LRRTM4: variants seen among roughly 807,000 people sequenced by gnomAD.
LRRTM4 encodes leucine rich repeat transmembrane neuronal 4, also known as leucine-rich repeat transmembrane neuronal protein 4.
LRRTM4 carries 25 observed loss-of-function variants against 47.6 expected under a neutral mutation model. The ratio of observed to expected loss-of-function variants is 0.53; its 90% CI spans 0.38 to 0.73. The LOEUF (loss-of-function observed/expected upper bound fraction) is 0.73. LRRTM4 is among the 30% of genes least tolerant of loss of function. LRRTM4 has a pLI of 0.00. For missense variants in LRRTM4, 638 were observed against 713.4 expected (o/e 0.89, Z 1.20); for synonymous variants, 311 against 269.5 (o/e 1.15, Z -1.51).
chr2:77,229,806 C>A (rs1674914807), intron 3 of LRRTM4, among the ~76,000 whole-genome samples: 1 of 152,080 alleles, frequency 6.6e-6, no homozygotes, highest in Admixed American at 6.6e-5. Flanking sequence ...TTTTTAAATA[C>A]CTGAATATCT....
chr2:77,113,693 G>T (rs1413720238), intron 3 of LRRTM4, among the ~76,000 whole-genome samples: 2 of 152,104 alleles, frequency 1.3e-5, no homozygotes, highest in Admixed American at 1.3e-4. Flanking sequence ...TGGTATCCAT[G>T]TGTGAAGAAG....
At chr2:77,332,712 A>C (rs1328714951) in intron 3 of LRRTM4, among the ~76,000 whole-genome samples, 1 of 152,190 alleles carries the variant, frequency 6.6e-6, no homozygotes, top group Non-Finnish European at 1.5e-5. Context: ...TTAACACTTA[A>C]TTGGGTTTAT....
chr2:76,807,467 TATAC>T (rs1163693598), intron 3 of LRRTM4, among the ~76,000 whole-genome samples: 2,345 of 89,322 alleles, frequency 0.026, 114 homozygotes, highest in African/African-American at 0.12. Flanking sequence ...TACATATATA[TATAC>T]ATATATATAT....
At chr2:77,172,709 C>CA (rs1558617911) in intron 3 of LRRTM4, among the ~76,000 whole-genome samples, 1 of 151,896 alleles carries the variant, frequency 6.6e-6, no homozygotes, top group Non-Finnish European at 1.5e-5. Context: ...TACTCTCTCC[C>CA]AAAAAAACGC....
At chr2:76,794,730 C>T (rs1305745940) in intron 3 of LRRTM4, among the ~76,000 whole-genome samples, 2 of 151,756 alleles carry the variant, frequency 1.3e-5, no homozygotes, top group South Asian at 2.1e-4. Flanking sequence ...TAATTCTTTG[C>T]TATGGTGTAC....
intron 3 of LRRTM4, among the ~76,000 whole-genome samples, chr2:76,859,337 C>T (rs923190990): frequency 6.6e-6 from 1 of 151,962 alleles, no homozygotes; most frequent in African/African-American, 2.4e-5. Flanking sequence ...ACCACCTACT[C>T]ATAAGTTTGT....
intron 3 of LRRTM4, among the ~76,000 whole-genome samples, chr2:77,290,085 A>T (rs1250525760): frequency 6.6e-6 from 1 of 151,986 alleles, no homozygotes; most frequent in Admixed American, 6.6e-5. Flanking sequence ...AATCAATGAA[A>T]CATATAAAAT....
intron 3 of LRRTM4, among the ~76,000 whole-genome samples, chr2:76,875,860 A>T (rs1573242837): frequency 6.6e-6 from 1 of 152,280 alleles, no homozygotes; most frequent in Non-Finnish European, 1.5e-5. Context: ...ACTGGGGACA[A>T]CTGCCACAGG....
chr2:76,805,623 TTA>T (rs1675928082), intron 3 of LRRTM4, among the ~76,000 whole-genome samples: 1 of 152,184 alleles, frequency 6.6e-6, no homozygotes, highest in Non-Finnish European at 1.5e-5. Context: ...ATTAATGTTT[TTA>T]GGGCAATTCA....
intron 3 of LRRTM4, among the ~76,000 whole-genome samples, chr2:77,185,822 C>A (rs1231004464): frequency 6.6e-6 from 1 of 152,144 alleles, no homozygotes; most frequent in African/African-American, 2.4e-5. Flanking sequence ...GTTTGAATTA[C>A]TGTTCAGTCA....
At chr2:77,517,604 C>A in intron 3 of LRRTM4, 7 of 983,226 alleles carry the variant, frequency 7.1e-6, no homozygotes, top group Non-Finnish European at 8.4e-6. Context: ...GGATCTATAT[C>A]CCAGTAATTA....
intron 3 of LRRTM4, among the ~76,000 whole-genome samples, chr2:76,838,508 G>C (rs185161501): frequency 1.3e-5 from 2 of 152,030 alleles, no homozygotes; most frequent in African/African-American, 4.8e-5. Context: ...AACATATTCT[G>C]ATTTTGTTAT....
chr2:77,247,891 A>C (rs1488802061), intron 3 of LRRTM4, among the ~76,000 whole-genome samples: 1 of 151,228 alleles, frequency 6.6e-6, no homozygotes, highest in Non-Finnish European at 1.5e-5. Flanking sequence ...AAATTATGAC[A>C]TTGTTTATAT....
At chr2:77,014,151 A>C (rs1446698) in intron 3 of LRRTM4, among the ~76,000 whole-genome samples, 1 of 151,754 alleles carries the variant, frequency 6.6e-6, no homozygotes, top group African/African-American at 2.4e-5. Context: ...TGGATTAGCA[A>C]GGCTGAGTAG....
chr2:77,145,257 TATATATATACACATATAC>T (rs1167854421), intron 3 of LRRTM4, among the ~76,000 whole-genome samples: 2 of 151,048 alleles, frequency 1.3e-5, no homozygotes, highest in Non-Finnish European at 2.9e-5. Flanking sequence ...TATATGTGTA[TATATATATACACATATAC>T]ATAGATGAAA....
At chr2:76,843,449 T>G (rs1671746136) in intron 3 of LRRTM4, among the ~76,000 whole-genome samples, 2 of 152,214 alleles carry the variant, frequency 1.3e-5, no homozygotes, top group South Asian at 4.1e-4. Flanking sequence ...CTTTTCAAGC[T>G]CATTTAACAG....
At chr2:77,487,057 G>A (rs948134134) in intron 3 of LRRTM4, among the ~76,000 whole-genome samples, 1 of 152,168 alleles carries the variant, frequency 6.6e-6, no homozygotes, top group African/African-American at 2.4e-5. Context: ...TTAAATAGAA[G>A]TAATGGCAGC....
intron 3 of LRRTM4, among the ~76,000 whole-genome samples, chr2:77,090,071 G>A (rs968940934): frequency 1.3e-5 from 2 of 151,902 alleles, no homozygotes; most frequent in African/African-American, 4.8e-5. Flanking sequence ...TCCTCGCCAG[G>A]CTGAGCTAGG....
chr2:77,336,155 G>T (rs1307111522), intron 3 of LRRTM4, among the ~76,000 whole-genome samples: 2 of 137,148 alleles, frequency 1.5e-5, no homozygotes, highest in Non-Finnish European at 3.1e-5. Flanking sequence ...AAGGAAGGAA[G>T]GGAGAAAGAA....
Sources: gnomAD v4.1 joint callset for allele counts (sites outside exome capture counted in the v4.1 genomes callset) on GRCh38, gnomAD v4.1.1 for gene constraint, MANE v1.5 for transcripts, NCBI Gene and HGNC (gene_info 2026-07-23, HGNC 2026-07-21) for gene names.